SLC16A10: variants seen among roughly 807,000 people sequenced by gnomAD.
SLC16A10 encodes solute carrier family 16 member 10, also known as monocarboxylate transporter 10.
In SLC16A10, 27 loss-of-function variants were observed where a neutral mutation model predicts 40.0. The ratio of observed to expected loss-of-function variants is 0.67; its 90% CI spans 0.50 to 0.93. SLC16A10 has a LOEUF of 0.93. Among genes scored for constraint, SLC16A10 ranks in the 40% least tolerant of loss-of-function variants. SLC16A10 has a pLI of 0.00. For synonymous variants in SLC16A10, 213 were observed against 249.8 expected, an observed-to-expected ratio of 0.85 and a Z score of 1.39; for missense variants, 529 against 658.2, an observed-to-expected ratio of 0.80 and a Z score of 2.15.
intron 1 of SLC16A10, among the ~76,000 whole-genome samples, chr6:111,153,773 T>A (rs1402406090): frequency 6.6e-6 from 1 of 152,252 alleles, no homozygotes; most frequent in Non-Finnish European, 1.5e-5. Context: ...CTAAACATCA[T>A]CTGCCATGTG....
chr6:111,143,571 A>G (rs891637812), intron 1 of SLC16A10, among the ~76,000 whole-genome samples: 2 of 152,148 alleles, frequency 1.3e-5, no homozygotes, highest in Admixed American at 6.6e-5. Context: ...ACTTAAATGC[A>G]TATTTCTAAG....
At chr6:111,117,054 G>T (rs1438836713) in intron 1 of SLC16A10, among the ~76,000 whole-genome samples, 2 of 151,998 alleles carry the variant, frequency 1.3e-5, no homozygotes, top group South Asian at 2.1e-4. Context: ...ATTGATAAAA[G>T]AAGTGGGAAG....
chr6:111,180,619 C>G (rs1372494179), intron 3 of SLC16A10, among the ~76,000 whole-genome samples: 2 of 152,042 alleles, frequency 1.3e-5, no homozygotes, highest in East Asian at 3.9e-4. Context: ...TCTCCTCCTC[C>G]TAGTGGCAGC....
intron 3 of SLC16A10, among the ~76,000 whole-genome samples, chr6:111,185,932 C>T (rs1432984700): frequency 6.6e-6 from 1 of 150,912 alleles, no homozygotes; most frequent in African/African-American, 2.4e-5. Context: ...CAGGGTCTCA[C>T]TCTCTTGTCC....
rs112177910 is a variant in SLC16A10 at position 111,166,071 on chromosome 6, C to T, written c.344-6624C>T. Among the ~76,000 whole-genome samples the T allele has an allele frequency of 2.5e-3, 384 of 152,280 alleles. 2 individuals are homozygous for T. The highest frequency in any genetic ancestry group is 8.7e-3 in the African/African-American group (363 of 41,552). The stretch of plus-strand genomic sequence containing the variant: ...GGTCTGTGTTCTATCCTGTCTTACT[C>T]CTTATGACAGAACTGTACAGAAAGA... On this transcript the variant is annotated intron_variant, in intron 1 of 5. Coordinates refer to ENST00000368851, the MANE Select transcript of SLC16A10 (RefSeq NM_018593.5).
intron 1 of SLC16A10, among the ~76,000 whole-genome samples, chr6:111,140,244 C>T (rs1352964756): frequency 2.6e-5 from 4 of 152,154 alleles, no homozygotes; most frequent in Non-Finnish European, 5.9e-5. Flanking sequence ...GGGCAGATCA[C>T]TTGAGCCCAG....
intron 1 of SLC16A10, among the ~76,000 whole-genome samples, chr6:111,151,350 C>G (rs1361439313): frequency 6.6e-6 from 1 of 152,188 alleles, no homozygotes; most frequent in African/African-American, 2.4e-5. Context: ...TCTGTCTTCC[C>G]CTCACTTTAC....
intron 4 of SLC16A10, among the ~76,000 whole-genome samples, chr6:111,214,009 C>CT (rs1363487642): frequency 6.6e-6 from 1 of 152,200 alleles, no homozygotes; most frequent in African/African-American, 2.4e-5. Context: ...TTGAGCTACA[C>CT]TTAAGATTCT....
At chr6:111,174,358 T>C (rs1052769853) in intron 2 of SLC16A10, among the ~76,000 whole-genome samples, 7 of 152,092 alleles carry the variant, frequency 4.6e-5, no homozygotes, top group Non-Finnish European at 8.8e-5. Flanking sequence ...TTTTACTCAT[T>C]GCCGCCCCCC....
At chr6:111,089,382 T>C (rs914023657) in intron 1 of SLC16A10, among the ~76,000 whole-genome samples, 1 of 152,234 alleles carries the variant, frequency 6.6e-6, no homozygotes, top group Non-Finnish European at 1.5e-5. Context: ...TTAGGTGGTT[T>C]GCATTGTTTG....
intron 1 of SLC16A10, among the ~76,000 whole-genome samples, chr6:111,117,451 AC>A (rs1771509804): frequency 1.3e-5 from 2 of 151,360 alleles, no homozygotes; most frequent in Admixed American, 1.3e-4. Flanking sequence ...GACCAACTTT[AC>A]TTTAGTCAAT....
At chr6:111,104,910 A>G (rs1458561203) in intron 1 of SLC16A10, among the ~76,000 whole-genome samples, 1 of 152,056 alleles carries the variant, frequency 6.6e-6, no homozygotes, top group African/African-American at 2.4e-5. Context: ...AAAAAAAAAA[A>G]AGTAATAGAA....
chr6:111,177,248 AT>A lies in SLC16A10; in HGVS notation c.528del (p.Phe176LeufsTer27). 1 of 1,575,654 alleles carries A rather than the reference AT, an allele frequency of 6.3e-7. No homozygotes were observed. Among genetic ancestry groups the A allele is most frequent in the Non-Finnish European group, 8.6e-7 (1 of 1,163,848 alleles). On this transcript the variant is annotated frameshift_variant, in exon 3 of 6. Transcript: ENST00000368851. LOFTEE classifies it high-confidence loss of function. ...EPLYLTYGIIFACGCSFAYQP... is the reference protein window; with the variant it reads ...EPLYLTYGIIXACGCSFAYQP... ...CTCTGTACCTTACCTATGGAATCAT[AT>A]TTGCCTGCGGCTGCTCCTTTGCATA...
chr6:111,161,081 G>T (rs1204568973), intron 1 of SLC16A10, among the ~76,000 whole-genome samples: 1 of 151,702 alleles, frequency 6.6e-6, no homozygotes, highest in Non-Finnish European at 1.5e-5. Flanking sequence ...AAATTAGCAG[G>T]GTGTGGTGGC....
chr6:111,182,943 C>G (rs1167320040), intron 3 of SLC16A10, among the ~76,000 whole-genome samples: 1 of 152,208 alleles, frequency 6.6e-6, no homozygotes, highest in Non-Finnish European at 1.5e-5. Context: ...ACCACGTACC[C>G]CTAGCCTGGA....
In SLC16A10 at chr6:111,231,123, G is replaced by A. The variant is rs1204161463; in HGVS notation, c.*8888G>A. 6.6e-6 allele frequency: 1 copy of A among 151,760 alleles called. No homozygotes were observed. Among genetic ancestry groups the A allele is most frequent in the Non-Finnish European group, 1.5e-5 (1 of 68,002 alleles). 9.4% of individuals were successfully genotyped at this position (151,760 alleles called of 1,614,324 possible). On this transcript the variant is annotated 3_prime_UTR_variant, in exon 6 of 6. Transcript: ENST00000368851. Reference sequence around the variant, plus strand: ...GAAAAGATCTTTACAATTGCTTGGAGGATAAGATTATTTTACTGTGGAAAA... The same window carrying A: ...GAAAAGATCTTTACAATTGCTTGGAAGATAAGATTATTTTACTGTGGAAAA...
At chr6:111,147,529 A>G (rs1423463671) in intron 1 of SLC16A10, among the ~76,000 whole-genome samples, 1 of 152,210 alleles carries the variant, frequency 6.6e-6, no homozygotes, top group African/African-American at 2.4e-5. Flanking sequence ...TACACTAAGA[A>G]CTATGAATTG....
intron 3 of SLC16A10, among the ~76,000 whole-genome samples, chr6:111,189,217 T>C (rs1266581786): frequency 6.6e-6 from 1 of 152,178 alleles, no homozygotes; most frequent in Non-Finnish European, 1.5e-5. Context: ...AGATGGAAGG[T>C]GATGGTAAGA....
chr6:111,178,569 AG>A (rs1562423584), intron 3 of SLC16A10: 35 of 348,812 alleles, frequency 1.0e-4, no homozygotes, highest in South Asian at 2.9e-4. Flanking sequence ...AAAAAAAAAA[AG>A]AAGGAAGAAG....
Sources: gnomAD v4.1 joint callset for allele counts (sites outside exome capture counted in the v4.1 genomes callset) on GRCh38, gnomAD v4.1.1 for gene constraint, MANE v1.5 for transcripts, NCBI Gene and HGNC (gene_info 2026-07-23, HGNC 2026-07-21) for gene names.